VAMP7: variants seen among roughly 807,000 people sequenced by gnomAD.
VAMP7 encodes vesicle associated membrane protein 7, also known as vesicle-associated membrane protein 7.
Under a neutral mutation model 29.6 loss-of-function variants are expected in VAMP7, and 14 were observed. That is an observed-to-expected ratio of 0.47 (90% CI 0.31 to 0.74). VAMP7 has a LOEUF of 0.74. Among genes scored for constraint, VAMP7 ranks in the 30% least tolerant of loss-of-function variants. VAMP7 has a pLI of 0.05. For synonymous variants in VAMP7, 95 were observed against 88.1 expected (o/e 1.08, Z -0.44); for missense variants, 223 against 262.4 (o/e 0.85, Z 1.04).
chrX:155,929,808 A>G (rs996541323), intron 6 of VAMP7, among the ~76,000 whole-genome samples: 5 of 152,114 alleles, frequency 3.3e-5, no homozygotes, highest in African/African-American at 1.2e-4. Flanking sequence ...CTCACGCTGG[A>G]GCCATGGCAT....
At chrX:155,920,566 C>G (rs986064678) in intron 6 of VAMP7, among the ~76,000 whole-genome samples, 4 of 152,142 alleles carry the variant, frequency 2.6e-5, no homozygotes, top group African/African-American at 9.7e-5. Flanking sequence ...TGATTATGTT[C>G]GTTGTGACTG....
intron 6 of VAMP7, among the ~76,000 whole-genome samples, chrX:155,938,688 C>T (rs1474113575): frequency 6.6e-6 from 1 of 152,144 alleles, no homozygotes; most frequent in Non-Finnish European, 1.5e-5. Context: ...TGGTGGCACA[C>T]ACCTATAGTC....
chrX:155,891,216 A>G (rs1292082549), intron 2 of VAMP7, among the ~76,000 whole-genome samples: 6 of 152,204 alleles, frequency 3.9e-5, no homozygotes, highest in Admixed American at 6.5e-5. Context: ...CGTAGGCTCA[A>G]CTAAAACTCT....
chrX:155,932,271 G>A (rs1217545921), intron 6 of VAMP7, among the ~76,000 whole-genome samples: 1 of 152,100 alleles, frequency 6.6e-6, no homozygotes, highest in Non-Finnish European at 1.5e-5. Flanking sequence ...TGATAGGGAT[G>A]GCATTGAATC....
chrX:155,938,847 G>A (rs1444894989), intron 6 of VAMP7, among the ~76,000 whole-genome samples: 1 of 152,088 alleles, frequency 6.6e-6, no homozygotes, highest in African/African-American at 2.4e-5. Flanking sequence ...CAGGTATTCT[G>A]TTTATGTCAA....
At chrX:155,891,607 C>G (rs543184755) in intron 2 of VAMP7, among the ~76,000 whole-genome samples, 4 of 152,236 alleles carry the variant, frequency 2.6e-5, no homozygotes, top group Non-Finnish European at 5.9e-5. Flanking sequence ...ATGTAGAAGT[C>G]ATTGCTTTCC....
At chrX:155,934,099 T>C (rs1182271825) in intron 6 of VAMP7, among the ~76,000 whole-genome samples, 1 of 152,218 alleles carries the variant, frequency 6.6e-6, no homozygotes, top group African/African-American at 2.4e-5. Context: ...TTACATTTGC[T>C]GAGGAGTGCT....
At chrX:155,885,732 T>C (rs1427936146) in intron 1 of VAMP7, among the ~76,000 whole-genome samples, 9 of 152,002 alleles carry the variant, frequency 5.9e-5, no homozygotes, top group Admixed American at 5.9e-4. Context: ...GAGGTAAAGA[T>C]TGAAGTGCTG....
At chrX:155,892,320 C>T (rs1159275860) in intron 2 of VAMP7, among the ~76,000 whole-genome samples, 1 of 152,104 alleles carries the variant, frequency 6.6e-6, no homozygotes, top group Non-Finnish European at 1.5e-5. Flanking sequence ...TACTTTAATG[C>T]TTCTAAAAGG....
At chrX:155,885,652 C>G (rs1315014321) in intron 1 of VAMP7, among the ~76,000 whole-genome samples, 1 of 152,028 alleles carries the variant, frequency 6.6e-6, no homozygotes, top group Non-Finnish European at 1.5e-5. Flanking sequence ...GACTGGCATC[C>G]ATATAAAAGA....
chrX:155,893,195 T>G (rs190528082), intron 2 of VAMP7, among the ~76,000 whole-genome samples: 353 of 152,254 alleles, frequency 2.3e-3, no homozygotes, highest in African/African-American at 8.2e-3. Context: ...ACAAATTTTA[T>G]GGGGAAAGTG....
At chrX:155,890,350 T>TTTTATTTA (rs753165878) in intron 2 of VAMP7, among the ~76,000 whole-genome samples, 22 of 151,314 alleles carry the variant, frequency 1.5e-4, no homozygotes, top group African/African-American at 3.7e-4. Context: ...GTCAGGTTTG[T>TTTTATTTA]TTTATTTATT....
chrX:155,904,840 T>C (rs1367962080), intron 5 of VAMP7, among the ~76,000 whole-genome samples: 1 of 150,786 alleles, frequency 6.6e-6, no homozygotes, highest in African/African-American at 2.4e-5. Flanking sequence ...GTCTGGTTAT[T>C]ATAAATAATG....
chrX:155,882,851 G>C (rs929793601), intron 1 of VAMP7, among the ~76,000 whole-genome samples: 4 of 152,122 alleles, frequency 2.6e-5, no homozygotes, highest in African/African-American at 9.7e-5. Flanking sequence ...TGGGAAAATA[G>C]GGTAAAATAG....
chrX:155,884,853 T>A (rs747874474), intron 1 of VAMP7, among the ~76,000 whole-genome samples: 14 of 152,356 alleles, frequency 9.2e-5, no homozygotes, highest in African/African-American at 3.4e-4. Flanking sequence ...TACTTGAAGA[T>A]GCTTCTGCTG....
chrX:155,907,611 A>G (rs1177421779), intron 5 of VAMP7, among the ~76,000 whole-genome samples: 1 of 151,852 alleles, frequency 6.6e-6, no homozygotes, highest in Non-Finnish European at 1.5e-5. Context: ...GATCAACAGG[A>G]TCCCAAGGCA....
intron 1 of VAMP7, among the ~76,000 whole-genome samples, chrX:155,884,506 G>A (rs1227261981): frequency 6.6e-6 from 1 of 152,170 alleles, no homozygotes; most frequent in Non-Finnish European, 1.5e-5. Flanking sequence ...CTTTATAACT[G>A]ATTAAAAACA....
In VAMP7 at chrX:155,903,420, C is replaced by A. The variant is rs776884788; in HGVS notation, c.433+2833C>A. Among the ~76,000 whole-genome samples, 8 of 152,186 alleles carry A rather than the reference C, an allele frequency of 5.3e-5. No homozygotes were observed. The East Asian group carries it at 1.5e-3, about 29-fold the overall frequency. On this transcript the variant is annotated intron_variant, in intron 5 of 7. Transcript: ENST00000286448. Reference sequence around the variant, plus strand: ...AACTACTATCAGAGTGAACAGACAACCTACAAAATAGGAGAAAATTTTCAC... The same window carrying A: ...AACTACTATCAGAGTGAACAGACAAACTACAAAATAGGAGAAAATTTTCAC...
chrX:155,930,281 T>C (rs766002767), intron 6 of VAMP7, among the ~76,000 whole-genome samples: 1 of 152,274 alleles, frequency 6.6e-6, no homozygotes, highest in African/African-American at 2.4e-5. Context: ...AGTCATTTTT[T>C]CTGGAGTGTC....
Sources: allele counts gnomAD v4.1 joint callset (sites outside exome capture counted in the v4.1 genomes callset), GRCh38; gene constraint gnomAD v4.1.1; transcripts MANE v1.5; gene names NCBI Gene and HGNC (gene_info 2026-07-23, HGNC 2026-07-21).